PLCH2: variants seen among roughly 807,000 people sequenced by gnomAD.
PLCH2 encodes 1-phosphatidylinositol 4,5-bisphosphate phosphodiesterase eta-2.
A neutral mutation model predicts 134.7 loss-of-function variants in PLCH2; 98 were observed. The observed-to-expected ratio is 0.73, with a 90% CI of 0.62 to 0.86. PLCH2 has a LOEUF of 0.86. Ranked by LOEUF, PLCH2 falls within the 40% of genes least tolerant of loss-of-function variation. The probability of loss-of-function intolerance (pLI) is 0.00; values close to 1 mark genes in which losing one functional copy is unlikely to be tolerated. For missense variants in PLCH2, 1,994 were observed against 1,986.6 expected, an observed-to-expected ratio of 1.00 and a Z score of -0.07; for synonymous variants, 974 against 827.5, an observed-to-expected ratio of 1.18 and a Z score of -3.04.
At chr1:2,482,940 T>C (rs1393067361) in intron 4 of PLCH2, among the ~76,000 whole-genome samples, 3 of 152,192 alleles carry the variant, frequency 2.0e-5, no homozygotes, top group African/African-American at 7.2e-5. Flanking sequence ...GGTGGCCCTT[T>C]GTAGCCTGCT....
At chr1:2,427,664 G>A (rs1488258652) in intron 1 of PLCH2, among the ~76,000 whole-genome samples, 2 of 152,206 alleles carry the variant, frequency 1.3e-5, no homozygotes, top group African/African-American at 4.8e-5. Flanking sequence ...TGTCAGAGGA[G>A]CAGGCCGGGG....
intron 2 of PLCH2, among the ~76,000 whole-genome samples, chr1:2,456,756 C>T (rs888627211): frequency 6.6e-6 from 1 of 152,192 alleles, no homozygotes; most frequent in African/African-American, 2.4e-5. Context: ...GTCCAGGGCT[C>T]TTGGTGGGAG....
chr1:2,424,187 C>T (rs1032023713), upstream of PLCH2, among the ~76,000 whole-genome samples: 4 of 152,172 alleles, frequency 2.6e-5, no homozygotes, highest in African/African-American at 9.7e-5. Context: ...TAACCATCAC[C>T]TCAGATATTT....
chr1:2,491,268 G>A lies in PLCH2; in HGVS notation c.1592G>A (p.Arg531Gln), dbSNP rs754613778. Residue 531 changes from arginine to glutamine, a missense_variant, in exon 11 of 22, where the codon CGG becomes CAG. Transcript: ENST00000378486. ...TCCCTCATCAAAGAGTCGAAGATTC[G>A]GGACTGTGAGGACCCCAACAACTTC... ...LDSLIKESKI[R>Q]DCEDPNNFSV... 8.1e-6 allele frequency: 13 copies of A among 1,613,150 alleles called. No individual in the cohort carries two copies. Among genetic ancestry groups the A allele is most frequent in the Non-Finnish European group, 1.0e-5 (12 of 1,179,848 alleles).
rs369014741 is a variant in PLCH2 at position 2,478,468 on chromosome 1, G to T, written c.125-8G>T. 11 of 1,612,412 alleles carry T rather than the reference G, an allele frequency of 6.8e-6. No individual in the cohort carries two copies. In the African/African-American group the frequency reaches 1.3e-4, roughly 20 times the overall value. On this transcript the variant is annotated splice_polypyrimidine_tract_variant and splice_region_variant and intron_variant, in intron 1 of 21. Coordinates refer to ENST00000378486, the MANE Select transcript of PLCH2 (RefSeq NM_014638.4). ...CTCCGCTGACAGCCGTGTCTCTCCC[G>T]TGTCCAGTGGAGCGGTGCATGGGTG... is the stretch of plus-strand genomic sequence containing the variant.
chr1:2,491,564 G>T (rs929143660), intron 11 of PLCH2, among the ~76,000 whole-genome samples: 2 of 152,248 alleles, frequency 1.3e-5, no homozygotes, highest in South Asian at 2.1e-4. Context: ...CTGCCCAGCT[G>T]GGGGGACATG....
upstream of PLCH2, among the ~76,000 whole-genome samples, chr1:2,475,874 G>T (rs1292018995): frequency 6.6e-6 from 1 of 152,176 alleles, no homozygotes; most frequent in Non-Finnish European, 1.5e-5. Flanking sequence ...GCGCTGCGGG[G>T]ATGAGGTGAG....
Position 2,499,250 on chromosome 1 carries a change from G to T in PLCH2, c.2581+20G>T. 1 of 1,611,696 alleles carries T rather than the reference G, an allele frequency of 6.2e-7. No individual in the cohort carries two copies. The highest frequency in any genetic ancestry group is 8.5e-7 in the Non-Finnish European group (1 of 1,179,326). On this transcript the variant is annotated intron_variant, in intron 19 of 21. Coordinates refer to ENST00000378486, the MANE Select transcript of PLCH2 (RefSeq NM_014638.4). ...TGCCAGGTGGGCAGGAGTGGACACG[G>T]TGCCCCCCACACTGGCCGAGGGCCC...
In PLCH2 at chr1:2,487,733, C is replaced by T; in HGVS notation, c.1235+15C>T. 1 of 1,610,774 alleles carries T rather than the reference C, an allele frequency of 6.2e-7. No individual in the cohort carries two copies. The highest frequency in any genetic ancestry group is 8.5e-7 in the Non-Finnish European group (1 of 1,178,700). Reference sequence around the variant, plus strand: ...ATCAAGAATGAGTGAGTGGCTGGGCCTAGCGGGGCTGGCCCCAGAGGTGGG... The same window carrying T: ...ATCAAGAATGAGTGAGTGGCTGGGCTTAGCGGGGCTGGCCCCAGAGGTGGG... On this transcript the variant is annotated intron_variant, in intron 8 of 21. Coordinates refer to ENST00000378486, the MANE Select transcript of PLCH2 (RefSeq NM_014638.4).
At chr1:2,489,712 C>T (rs756196947) in intron 9 of PLCH2, 48 bp from the exon 10 acceptor site, 8 of 1,453,148 alleles carry the variant, frequency 5.5e-6, no homozygotes. Context: ...GTACTGGCTT[C>T]CCAGCATTTT....
intron 21 of PLCH2, 151 bp downstream of exon 21, chr1:2,502,560 G>A (rs992859758): frequency 3.7e-5 from 32 of 868,736 alleles, no homozygotes; most frequent in Admixed American, 6.1e-5. Context: ...GGCCTGCAGA[G>A]GGAGCGGCCA....
intron 9 of PLCH2, 132 bp downstream of exon 9, chr1:2,489,510 C>G: frequency 2.2e-6 from 2 of 910,994 alleles, no homozygotes; most frequent in Non-Finnish European, 3.3e-6. Context: ...TGGCCACGCT[C>G]CTGACCTGGC....
chr1:2,452,158 G>A (rs1188504945), intron 2 of PLCH2, among the ~76,000 whole-genome samples: 3 of 152,264 alleles, frequency 2.0e-5, no homozygotes, highest in Admixed American at 1.3e-4. Flanking sequence ...CACGGTGGCC[G>A]CCGTGTGCAG....
In PLCH2 at chr1:2,489,300, G is replaced by A; in HGVS notation, c.1329G>A (p.Leu443=). 1 of 1,613,860 alleles carries A rather than the reference G, an allele frequency of 6.2e-7. No individual in the cohort carries two copies. Among genetic ancestry groups the A allele is most frequent in the Non-Finnish European group, 8.5e-7 (1 of 1,179,874 alleles). The stretch of plus-strand genomic sequence containing the variant: ...TGACTGACATCCTTGGGGACAAGCT[G>A]GACCTGTCATCAGTGAGCAGTGAAG... ...QYLTDILGDK[L]DLSSVSSEDA... is the part of the protein sequence containing the mutation. The change falls in exon 9 of 22, where the codon CTG becomes CTA. Residue 443 remains leucine, a synonymous_variant. Transcript: ENST00000378486.
intron 11 of PLCH2, chr1:2,493,698 G>C (rs1359782401): frequency 6.6e-6 from 1 of 152,456 alleles, no homozygotes; most frequent in Non-Finnish European, 1.5e-5. Context: ...GCATCAACAG[G>C]ACTGAGAGGC....
At chr1:2,487,918 T>G (rs1158227866) in intron 8 of PLCH2, among the ~76,000 whole-genome samples, 200 bp downstream of exon 8, 3 of 152,134 alleles carry the variant, frequency 2.0e-5, no homozygotes, top group Non-Finnish European at 2.9e-5. Context: ...AGGCAGGGGC[T>G]TCACAGGAGC....
upstream of PLCH2, among the ~76,000 whole-genome samples, chr1:2,421,038 G>A (rs376857149): frequency 1.2e-4 from 18 of 150,752 alleles, no homozygotes; most frequent in East Asian, 3.3e-3. Flanking sequence ...TCTGCTTCCC[G>A]GGTTCAATCG....
At position 2,504,910 on chromosome 1, in the gene PLCH2, G is replaced by C. The variant is rs766498806; in HGVS notation, c.3948G>C (p.Thr1316=). 2 of 1,580,058 alleles carry C rather than the reference G, an allele frequency of 1.3e-6. No individual in the cohort carries two copies. The highest frequency in any genetic ancestry group is 1.1e-5 in the South Asian group (1 of 87,432). Residue 1316 remains threonine (T), a synonymous_variant, in exon 22 of 22, where the codon ACG becomes ACC. Coordinates refer to ENST00000378486, the MANE Select transcript of PLCH2 (RefSeq NM_014638.4). ...TCTTCCAGCAGGCAGGAGACATCAC[G>C]TCACCCACCAGCCTGGGCCCGGCTG... ...LTVFQQAGDI[T]SPTSLGPAGE...
Position 2,502,267 on chromosome 1 carries a change from G to A in PLCH2, c.2817G>A (p.Pro939=), listed in dbSNP as rs1462230844. The A allele has an allele frequency of 1.8e-5, 28 of 1,539,704 alleles. No homozygotes were observed. Among genetic ancestry groups the A allele is most frequent in the South Asian group, 4.8e-5 (4 of 83,450 alleles). ...TASAPTKSQK[P]GRRGFPELVL... is the part of the protein sequence containing the mutation. ...GCGCCCCGACCAAGAGCCAGAAGCC[G>A]GGCCGCAGGGGCTTCCCGGAGCTGG... The change falls in exon 21 of 22, where the codon CCG becomes CCA. Residue 939 remains proline (P), a synonymous_variant. Coordinates refer to ENST00000378486, the MANE Select transcript of PLCH2 (RefSeq NM_014638.4).
Sources: allele counts gnomAD v4.1 joint callset (sites outside exome capture counted in the v4.1 genomes callset), GRCh38; gene constraint gnomAD v4.1.1; transcripts MANE v1.5; gene names NCBI Gene and HGNC (gene_info 2026-07-23, HGNC 2026-07-21).